Variants in SLC5A10 observed in about 807,000 individuals in gnomAD.
The protein encoded by SLC5A10 is solute carrier family 5 member 10.
In SLC5A10, 55 loss-of-function variants were observed where a neutral mutation model predicts 68.9. That is an observed-to-expected ratio of 0.80 (90% CI 0.64 to 1.00). The LOEUF is 1.00. Ranked by LOEUF, SLC5A10 falls within the 50% of genes least tolerant of loss-of-function variation. The probability of loss-of-function intolerance (pLI) is 0.00; values close to 1 mark genes in which losing one functional copy is unlikely to be tolerated. For synonymous variants in SLC5A10, 344 were observed against 344.8 expected (o/e 1.00, Z 0.02); for missense variants, 732 against 819.3 (o/e 0.89, Z 1.30).
chr17:19,014,929 C>G, intron 10 of SLC5A10, 120 bp from the exon 11 acceptor site: 2 of 1,248,656 alleles, frequency 1.6e-6, no homozygotes, highest in East Asian at 2.4e-5. Flanking sequence ...CCTCCCCGCC[C>G]TCTGCCTTGG....
intron 9 of SLC5A10, among the ~76,000 whole-genome samples, chr17:19,005,655 C>A (rs185868539): frequency 3.3e-5 from 5 of 151,966 alleles, no homozygotes; most frequent in South Asian, 2.1e-4. Context: ...AAACCCCCCC[C>A]CTCCAAGGCC....
Position 19,017,513 on chromosome 17 carries a change from C to G in SLC5A10, c.1242-1910C>G. The G allele has an allele frequency of 1.1e-6, 1 of 922,814 alleles. No homozygotes were observed. Among genetic ancestry groups the G allele is most frequent in the Non-Finnish European group, 1.7e-6 (1 of 598,824 alleles). The allele number at this position is 922,814 out of a possible 1,614,324, so 57.2% of individuals were successfully genotyped here. The stretch of plus-strand genomic sequence containing the variant: ...CGCAGGGCCGGGTGCAGTACCATGC[C>G]GGTGACCCTGATGGCTCTGTCCAGC... On this transcript the variant is annotated intron_variant, in intron 11 of 14. Coordinates refer to ENST00000395645, the MANE Select transcript of SLC5A10 (RefSeq NM_001042450.4). This position sits in a 1 kb window ranked among gnomAD's most constrained non-coding sequence, Gnocchi z 5.6.
chr17:18,989,038 G>T (rs1436258255), intron 9 of SLC5A10, among the ~76,000 whole-genome samples: 2 of 152,254 alleles, frequency 1.3e-5, no homozygotes, highest in African/African-American at 4.8e-5. Context: ...TGACTGTCAG[G>T]CTTCTCTCAC....
intron 9 of SLC5A10, among the ~76,000 whole-genome samples, chr17:19,012,797 A>G (rs2044043813): frequency 6.6e-6 from 1 of 152,184 alleles, no homozygotes. Flanking sequence ...CTTGGACCCC[A>G]GGGTTGGAGA....
chr17:18,980,474 C>T (rs894135085), intron 9 of SLC5A10, among the ~76,000 whole-genome samples: 4 of 152,186 alleles, frequency 2.6e-5, no homozygotes, highest in African/African-American at 9.7e-5. Context: ...TGCCTCAGCT[C>T]CAAGGCCAGG....
chr17:18,987,087 G>A (rs1193055898), intron 9 of SLC5A10, among the ~76,000 whole-genome samples: 1 of 152,174 alleles, frequency 6.6e-6, no homozygotes, highest in Non-Finnish European at 1.5e-5. Flanking sequence ...GGGGGTGGGC[G>A]CGCCTGACAA....
chr17:18,973,707 C>CT (rs1262746111), intron 8 of SLC5A10, among the ~76,000 whole-genome samples: 3 of 151,554 alleles, frequency 2.0e-5, no homozygotes, highest in Non-Finnish European at 4.4e-5. Flanking sequence ...GGGTGTTTTG[C>CT]TTTTTTTTAA....
At chr17:18,969,972 G>A (rs573983893) in intron 7 of SLC5A10, 5 of 152,736 alleles carry the variant, frequency 3.3e-5, no homozygotes, top group Non-Finnish European at 7.3e-5. Flanking sequence ...TATGTAAGCA[G>A]AGCCAGGAGG....
chr17:19,005,472 C>G (rs539839803), intron 9 of SLC5A10, among the ~76,000 whole-genome samples: 26 of 152,288 alleles, frequency 1.7e-4, no homozygotes, highest in Admixed American at 1.5e-3. Flanking sequence ...CCCATTAAAT[C>G]TGGCCCAACA....
intron 9 of SLC5A10, chr17:18,978,545 A>AG (rs1567791138): frequency 6.2e-7 from 1 of 1,613,332 alleles, no homozygotes; most frequent in Non-Finnish European, 8.5e-7. Flanking sequence ...TTTCAGCCCC[A>AG]GGGGCTTCTT....
At chr17:18,990,194 G>A (rs1415898765) in intron 9 of SLC5A10, among the ~76,000 whole-genome samples, 2 of 152,188 alleles carry the variant, frequency 1.3e-5, no homozygotes, top group Non-Finnish European at 2.9e-5. Context: ...GGGATCTTAA[G>A]AGGGAGCTCA....
chr17:18,968,291 CAG>C lies in SLC5A10; in HGVS notation c.454-760_454-759del, dbSNP rs200814817. Reference sequence around the variant, plus strand: ...AAGCAGAATGGTAGGTTTAGGAACTCAGGGGTGGGGCAAGGTGAAGCCTGTTA... The same window carrying C: ...AAGCAGAATGGTAGGTTTAGGAACTCGGGTGGGGCAAGGTGAAGCCTGTTA... On this transcript the variant is annotated intron_variant, in intron 5 of 14. Coordinates refer to ENST00000395645, the MANE Select transcript of SLC5A10 (RefSeq NM_001042450.4). This position sits in a 1 kb window ranked among gnomAD's most constrained non-coding sequence, Gnocchi z 4.1. 6.8e-3 allele frequency among the ~76,000 whole-genome samples: 1,043 copies of C among 152,332 alleles called. 13 individuals are homozygous for C. The highest frequency in any genetic ancestry group is 0.024 in the African/African-American group (983 of 41,572).
rs62076172 is a variant in SLC5A10, at chr17:18,971,376, C to T, written c.846+158C>T. ...ACATGCTGCTAGGGGTCTTTGCGGTCCCGGGGGGCTTGAGCCCTCCGTTTA... is the reference window on the plus strand; with the variant it reads ...ACATGCTGCTAGGGGTCTTTGCGGTTCCGGGGGGCTTGAGCCCTCCGTTTA... On this transcript the variant is annotated intron_variant, in intron 8 of 14. Transcript: ENST00000395645. The surrounding 1 kb of genome is among the most constrained non-coding windows in gnomAD (Gnocchi z 5.5). 1 of 1,584,864 alleles carries T rather than the reference C, an allele frequency of 6.3e-7. No homozygotes were observed. Among genetic ancestry groups the T allele is most frequent in the Non-Finnish European group, 8.6e-7 (1 of 1,169,244 alleles).
chr17:19,015,058 G>A lies in SLC5A10; in HGVS notation c.1100G>A (p.Gly367Glu). Residue 367 changes from glycine to glutamate, a missense_variant, in exon 11 of 15, where the codon GGG (glycine) becomes GAG (glutamate). Transcript: ENST00000395645. ...VMELMPIGLR[G>E]LMIAVMLAAL... Reference sequence around the variant, plus strand: ...CCCCGTCCCACCCCAGGTCTGCGGGGGCTGATGATCGCAGTGATGCTGGCG... The same window carrying A: ...CCCCGTCCCACCCCAGGTCTGCGGGAGCTGATGATCGCAGTGATGCTGGCG... The A allele has an allele frequency of 6.2e-7, 1 of 1,613,722 alleles. No individual in the cohort carries two copies. Among genetic ancestry groups the A allele is most frequent in the Non-Finnish European group, 8.5e-7 (1 of 1,179,706 alleles).
At position 18,971,207 on chromosome 17, in the gene SLC5A10, T is replaced by C; in HGVS notation, c.835T>C (p.Cys279Arg). 2 of 1,613,906 alleles carry C rather than the reference T, an allele frequency of 1.2e-6. No homozygotes were observed. The highest frequency in any genetic ancestry group is 1.7e-6 in the Non-Finnish European group (2 of 1,180,028). Residue 279 changes from cysteine (C) to arginine (R), a missense_variant, in exon 8 of 15, where the codon TGC (cysteine) becomes CGC (arginine). Cys to Arg is a radical substitution (Grantham distance 180). Transcript: ENST00000395645. This position sits in a 1 kb window ranked among gnomAD's most constrained non-coding sequence, Gnocchi z 5.5. ...GACCATCATGGCCACCTGGTACTGG[T>C]GCACCGACCAGGTGAGTGCCAACGT... ...GLTIMATWYWCTDQVIVQRSL... is the reference protein window; with the variant it reads ...GLTIMATWYWRTDQVIVQRSL...
chr17:18,998,436 C>T (rs2152138925), intron 9 of SLC5A10, among the ~76,000 whole-genome samples: 1 of 152,372 alleles, frequency 6.6e-6, no homozygotes, highest in Admixed American at 6.5e-5. Context: ...GAGACCCAAT[C>T]CAGGTCCAGC....
intron 9 of SLC5A10, among the ~76,000 whole-genome samples, chr17:19,006,527 C>T (rs1024406687): frequency 3.3e-5 from 5 of 151,864 alleles, no homozygotes; most frequent in African/African-American, 1.2e-4. Flanking sequence ...GCGTGAGCCA[C>T]TGCACTGGCC....
Position 18,981,878 on chromosome 17 carries a change from C to T in SLC5A10, c.982+4889C>T, listed in dbSNP as rs1038174727. 2.6e-5 allele frequency among the ~76,000 whole-genome samples: 4 copies of T among 152,198 alleles called. No homozygotes were observed. In the East Asian group the frequency reaches 5.8e-4, roughly 22 times the overall value. Reference sequence around the variant, plus strand: ...CTTTGTACCCAACATGGAGCACGCTCGGGGTTGAGAAGTCGGACAAAGATC... The same window carrying T: ...CTTTGTACCCAACATGGAGCACGCTTGGGGTTGAGAAGTCGGACAAAGATC... On this transcript the variant is annotated intron_variant, in intron 9 of 14. Transcript: ENST00000395645.
At chr17:18,976,027 A>G (rs2042967845) in intron 8 of SLC5A10, 1 of 151,680 alleles carries the variant, frequency 6.6e-6, no homozygotes, top group Non-Finnish European at 1.5e-5. Flanking sequence ...CTCTATTTTA[A>G]AAATACAAAA....
Sources: gnomAD v4.1 joint callset for allele counts (sites outside exome capture counted in the v4.1 genomes callset) on GRCh38, gnomAD v4.1.1 for gene constraint, Gnocchi (gnomAD v3.1) non-coding constraint, MANE v1.5 for transcripts, NCBI Gene and HGNC (gene_info 2026-07-23, HGNC 2026-07-21) for gene names.